Variants in EVC observed in about 807,000 individuals in gnomAD.
The protein encoded by EVC is EvC ciliary complex subunit 1.
A neutral mutation model predicts 118.9 loss-of-function variants in EVC; 116 were observed. That is an observed-to-expected ratio of 0.98 (90% confidence interval 0.84 to 1.14). The LOEUF is 1.14. Ranked by LOEUF, EVC falls within the 50% of genes most tolerant of loss-of-function variation. The probability of loss-of-function intolerance (pLI) is 0.00; values close to 1 mark genes in which losing one functional copy is unlikely to be tolerated. For missense variants in EVC, 1,401 were observed against 1,246.4 expected (o/e 1.12, Z -1.87); for synonymous variants, 619 against 534.7 (o/e 1.16, Z -2.18).
Position 5,731,592 on chromosome 4 carries a change from T to C in EVC, c.552T>C (p.Asp184=). 1 of 1,614,128 alleles carries C rather than the reference T, an allele frequency of 6.2e-7. No individual in the cohort carries two copies. The highest frequency in any genetic ancestry group is 1.1e-5 in the South Asian group (1 of 91,070). Residue 184 remains aspartate, a synonymous_variant, in exon 4 of 21, where the codon GAT becomes GAC. Transcript: ENST00000264956. The surrounding 1 kb of genome is among the most constrained non-coding windows in gnomAD (Gnocchi z 5.6). ...SSSSVHSATS[D]DRFLSRTFLR... is the part of the protein sequence containing the mutation. ...CCAGCGTCCACTCGGCCACCAGCGA[T>C]GACAGGTTTCTCAGCCGCACCTTCC... is the stretch of plus-strand genomic sequence containing the variant.
intron 12 of EVC, among the ~76,000 whole-genome samples, chr4:5,791,563 G>A (rs1003177794): frequency 2.0e-5 from 3 of 152,042 alleles, no homozygotes; most frequent in African/African-American, 4.8e-5. Context: ...TCTGGAGGAG[G>A]GCAGAAGTAT....
Position 5,719,522 on chromosome 4 carries a change from T to G in EVC, c.300+149T>G. Reference sequence around the variant, plus strand: ...GAGGCATAATTTACATACAGTCAAATGCGCAGACTTTAGGTTTTACAGTTT... The same window carrying G: ...GAGGCATAATTTACATACAGTCAAAGGCGCAGACTTTAGGTTTTACAGTTT... On this transcript the variant is annotated intron_variant, in intron 2 of 20. Coordinates refer to ENST00000264956, the MANE Select transcript of EVC (RefSeq NM_153717.3). The surrounding 1 kb of genome is among the most constrained non-coding windows in gnomAD (Gnocchi z 4.7). 5.2e-6 allele frequency: 6 copies of G among 1,163,342 alleles called. No homozygotes were observed. The highest frequency in any genetic ancestry group is 7.6e-6 in the Non-Finnish European group (6 of 791,018). 72.1% of individuals were successfully genotyped at this position (1,163,342 alleles called of 1,614,324 possible).
chr4:5,750,734 C>CTAAT (rs1393706183), intron 8 of EVC, among the ~76,000 whole-genome samples: 33 of 152,124 alleles, frequency 2.2e-4, no homozygotes, highest in Non-Finnish European at 4.1e-4. Context: ...ACTTGTTAGT[C>CTAAT]ATTAGAGTCC....
In EVC at chr4:5,758,995, T is replaced by TC. The variant is rs146200959; in HGVS notation, c.1563+2636dup. Among the ~76,000 whole-genome samples the TC allele has an allele frequency of 9.9e-3, 1,507 of 151,978 alleles. 28 individuals carry two copies. The highest frequency in any genetic ancestry group is 0.034 in the African/African-American group (1,423 of 41,468). ...GACAGCCTTGACTTACCGGGGAAAC[T>TC]CCCTTTCTGGGGAGTCTTATGTGAT... On this transcript the variant is annotated intron_variant, in intron 11 of 20. Coordinates refer to ENST00000264956, the MANE Select transcript of EVC (RefSeq NM_153717.3).
In EVC at chr4:5,783,562, T is replaced by G. The variant is rs771560788; in HGVS notation, c.1574T>G (p.Phe525Cys). Reference protein sequence around the residue: ...AVVALCQELYFSTVDTFQKFV... With the variant: ...AVVALCQELYCSTVDTFQKFV... ...GGTTCTCCGCTCCAGGAGCTGTACT[T>G]CAGCACCGTGGACACTTTCCAGAAG... Residue 525 changes from phenylalanine to cysteine, a missense_variant, in exon 12 of 21, where the codon TTC becomes TGC. Physicochemically the swap from Phe to Cys is radical, Grantham distance 205. Coordinates refer to ENST00000264956, the MANE Select transcript of EVC (RefSeq NM_153717.3). 2.7e-5 allele frequency: 44 copies of G among 1,614,024 alleles called. No homozygotes were observed. Among genetic ancestry groups the G allele is most frequent in the Non-Finnish European group, 3.3e-5 (39 of 1,180,006 alleles).
In EVC at chr4:5,765,067, G is replaced by T. The variant is rs184053944; in HGVS notation, c.1563+8705G>T. On this transcript the variant is annotated intron_variant, in intron 11 of 20. Transcript: ENST00000264956. ...TGCTATAAATTTCTCTCTACACACT[G>T]CTTTGAATGCATCCCAGAGATTTTG... Among the ~76,000 whole-genome samples, 4 of 116,164 alleles carry T rather than the reference G, an allele frequency of 3.4e-5. 2 individuals carry two copies. Among genetic ancestry groups the T allele is most frequent in the Non-Finnish European group, 7.4e-5 (4 of 53,816 alleles). 76.2% of individuals were successfully genotyped at this position (116,164 alleles called of 152,430 possible).
At position 5,811,549 on chromosome 4, in the gene EVC, G is replaced by A. The variant is rs567301194; in HGVS notation, c.*512G>A. On this transcript the variant is annotated 3_prime_UTR_variant, in exon 21 of 21. Transcript: ENST00000264956. ...CTTCCGGACAGTAGACACCCTGCCC[G>A]TGCAGAGAGATGTCATGGGGGCACC... The A allele has an allele frequency of 1.1e-4, 20 of 187,252 alleles. No homozygotes were observed. The East Asian group carries it at 2.4e-3, about 22-fold the overall frequency. The allele number at this position is 187,252 out of a possible 1,614,324, so 11.6% of individuals were successfully genotyped here.
chr4:5,825,836 C>T, the EVC span: 1 of 630,388 alleles, frequency 1.6e-6, no homozygotes, highest in Non-Finnish European at 2.7e-6. This position sits in a 1 kb window ranked among gnomAD's most constrained non-coding sequence, Gnocchi z 4.4. Flanking sequence ...CAGCCGCACA[C>T]AGGCATTCAT....
intron 12 of EVC, among the ~76,000 whole-genome samples, chr4:5,786,602 G>A (rs759826103): frequency 3.3e-5 from 5 of 152,196 alleles, no homozygotes; most frequent in Admixed American, 1.3e-4. Flanking sequence ...AGCCGGGTGC[G>A]GTGGCTCACG....
chr4:5,787,209 T>A (rs1212598329), intron 12 of EVC, among the ~76,000 whole-genome samples: 1 of 152,232 alleles, frequency 6.6e-6, no homozygotes, highest in Non-Finnish European at 1.5e-5. Flanking sequence ...AGATTTCTGC[T>A]CTCAGTCCCC....
chr4:5,810,596 A>T (rs952649694), intron 20 of EVC, 146 bp downstream of exon 20: 1 of 726,446 alleles, frequency 1.4e-6, no homozygotes, highest in African/African-American at 1.8e-5. Flanking sequence ...ATATGAACGT[A>T]ATTTGTGGGC....
At position 5,809,420 on chromosome 4, in the gene EVC, G is replaced by T; in HGVS notation, c.2689-98G>T. On this transcript the variant is annotated intron_variant, in intron 18 of 20. Transcript: ENST00000264956. ...CTCCACACGGGAGACGTGGTCTTCA[G>T]TGGCCAGCCTCAAGTGTCAGAATTC... is the stretch of plus-strand genomic sequence containing the variant. 2.8e-6 allele frequency: 3 copies of T among 1,074,256 alleles called. No homozygotes were observed. In the South Asian group the frequency reaches 3.8e-5, roughly 14 times the overall value. 66.5% of individuals were successfully genotyped at this position (1,074,256 alleles called of 1,614,324 possible).
At chr4:5,771,238 C>G (rs1197695981) in intron 11 of EVC, among the ~76,000 whole-genome samples, 1 of 152,068 alleles carries the variant, frequency 6.6e-6, no homozygotes, top group Non-Finnish European at 1.5e-5. Flanking sequence ...CCTGGAGGCT[C>G]CAGGGGAGAA....
At chr4:5,828,663 C>T in the EVC span, 2 of 1,613,458 alleles carry the variant, frequency 1.2e-6, no homozygotes, top group Non-Finnish European at 1.7e-6. Context: ...TGTTGTACTC[C>T]ACCGCCTGCA....
intron 12 of EVC, among the ~76,000 whole-genome samples, chr4:5,785,987 GC>G (rs1486032406): frequency 6.6e-6 from 1 of 152,096 alleles, no homozygotes; most frequent in Non-Finnish European, 1.5e-5. Context: ...GAGTGTAGGG[GC>G]CTTTTAGAGA....
intron 8 of EVC, among the ~76,000 whole-genome samples, chr4:5,750,312 G>T (rs890559186): frequency 6.6e-6 from 1 of 152,168 alleles, no homozygotes; most frequent in African/African-American, 2.4e-5. Context: ...CTATCAGCAG[G>T]ATATTGATGC....
chr4:5,733,411 G>C lies in EVC; in HGVS notation c.678G>C (p.Thr226=), dbSNP rs772621806. Residue 226 remains threonine (T), a synonymous_variant, in exon 5 of 21, where the codon ACG becomes ACC. Coordinates refer to ENST00000264956, the MANE Select transcript of EVC (RefSeq NM_153717.3). ...TAAAAGACCTGCTGCATTTGGACACGGCACTGAGGCAGGAAAAGCATATGG... is the reference window on the plus strand; with the variant it reads ...TAAAAGACCTGCTGCATTTGGACACCGCACTGAGGCAGGAAAAGCATATGG... ...LHLKDLLHLD[T]ALRQEKHMMF... 6.2e-7 allele frequency: 1 copy of C among 1,614,022 alleles called. No individual in the cohort carries two copies.
chr4:5,824,828 A>G, the EVC span: 1 of 985,278 alleles, frequency 1.0e-6, no homozygotes, highest in African/African-American at 1.7e-5. Context: ...CAACTTTCTC[A>G]ACGTGTGCGT....
At chr4:5,784,605 GATT>G (rs1236638115) in intron 12 of EVC, among the ~76,000 whole-genome samples, 1 of 122,562 alleles carries the variant, frequency 8.2e-6, no homozygotes, top group Non-Finnish European at 1.7e-5. Flanking sequence ...AATACACATT[GATT>G]TTTTTTTTTT....
Sources: allele counts gnomAD v4.1 joint callset (sites outside exome capture counted in the v4.1 genomes callset), GRCh38; gene constraint gnomAD v4.1.1; non-coding constraint Gnocchi (gnomAD v3.1); transcripts MANE v1.5; gene names NCBI Gene and HGNC (gene_info 2026-07-23, HGNC 2026-07-21).